TSFM: variants seen among roughly 807,000 people sequenced by gnomAD.
The protein encoded by TSFM is Ts translation elongation factor, mitochondrial, also known as elongation factor Ts, mitochondrial.
Under a neutral mutation model 33.4 loss-of-function variants are expected in TSFM, and 29 were observed. The ratio of observed to expected loss-of-function variants is 0.87; its 90% CI spans 0.65 to 1.18. The LOEUF (loss-of-function observed/expected upper bound fraction) is 1.18, where lower values mean the gene tolerates loss of function less well. Among genes scored for constraint, TSFM ranks in the 50% most tolerant of loss-of-function variants. TSFM has a pLI of 0.00. For missense variants in TSFM, 394 were observed against 395.6 expected (o/e 1.00, Z 0.04); for synonymous variants, 178 against 163.5 (o/e 1.09, Z -0.68).
rs912353595 is a variant in TSFM, at chr12:57,785,330, C to T, written c.232-833C>T. 2.0e-5 allele frequency among the ~76,000 whole-genome samples: 3 copies of T among 152,162 alleles called. No homozygotes were observed. In the East Asian group the frequency reaches 5.8e-4, roughly 29 times the overall value. On this transcript the variant is annotated intron_variant, in intron 2 of 5. Transcript: ENST00000652027. ...GTGGCATCATCATTAACACTGTGTT[C>T]CACTTTCACATCTTGTCCTGCTGGA...
chr12:57,784,253 TATC>T (rs1449959970), intron 2 of TSFM: 14 of 642,426 alleles, frequency 2.2e-5, no homozygotes, highest in Admixed American at 2.1e-4. Flanking sequence ...ATAGGGAACT[TATC>T]ATGTATGGAG....
At chr12:57,785,722 C>G (rs1209602158) in intron 2 of TSFM, among the ~76,000 whole-genome samples, 1 of 152,192 alleles carries the variant, frequency 6.6e-6, no homozygotes, top group Non-Finnish European at 1.5e-5. Flanking sequence ...ATGTGCTATA[C>G]TTTAATAGGA....
chr12:57,801,133 A>G, downstream of TSFM: 1 of 1,612,862 alleles, frequency 6.2e-7, no homozygotes, highest in Non-Finnish European at 8.5e-7. Flanking sequence ...CCAAGAGCGA[A>G]CCCGACTCAC....
intron 5 of TSFM, among the ~76,000 whole-genome samples, chr12:57,794,861 G>A (rs56054232): frequency 0.017 from 2,537 of 151,394 alleles, 30 homozygotes; most frequent in Non-Finnish European, 0.027. Context: ...CCGGGCTCAC[G>A]CCATTCTCCT....
chr12:57,799,810 G>A (rs202198298), downstream of TSFM: 45 of 1,613,908 alleles, frequency 2.8e-5, 1 homozygote, highest in Admixed American at 7.2e-4. Context: ...TTTTGGCAGG[G>A]TTTACATCCT....
chr12:57,791,112 T>C (rs1390790231), intron 4 of TSFM, among the ~76,000 whole-genome samples: 1 of 151,492 alleles, frequency 6.6e-6, no homozygotes, highest in African/African-American at 2.4e-5. Context: ...TGGGTTCAAG[T>C]GATTCTCCTG....
intron 1 of TSFM, 105 bp downstream of exon 1, chr12:57,782,963 C>T (rs1393227810): frequency 1.4e-6 from 2 of 1,474,720 alleles, no homozygotes; most frequent in African/African-American, 1.4e-5. Flanking sequence ...CTCACCTTCC[C>T]CGACAGCATT....
Sources: allele counts gnomAD v4.1 joint callset (sites outside exome capture counted in the v4.1 genomes callset), GRCh38; gene constraint gnomAD v4.1.1; transcripts MANE v1.5; gene names NCBI Gene and HGNC (gene_info 2026-07-23, HGNC 2026-07-21).